EXOC4: variants seen among roughly 807,000 people sequenced by gnomAD.
The protein encoded by EXOC4 is SEC8-like 1.
EXOC4 carries 71 observed loss-of-function variants against 107.2 expected under a neutral mutation model. The ratio of observed to expected loss-of-function variants is 0.66; its 90% CI spans 0.55 to 0.81. The LOEUF (loss-of-function observed/expected upper bound fraction) is 0.81, where lower values mean the gene tolerates loss of function less well. Ranked by LOEUF, EXOC4 falls within the 30% of genes least tolerant of loss-of-function variation. EXOC4 has a pLI of 0.00. For synonymous variants in EXOC4, 456 were observed against 441.2 expected (o/e 1.03, Z -0.42); for missense variants, 1,108 against 1,189.6 (o/e 0.93, Z 1.01).
intron 13 of EXOC4, among the ~76,000 whole-genome samples, chr7:133,928,326 A>G (rs894519485): frequency 6.6e-6 from 1 of 152,104 alleles, no homozygotes; most frequent in Non-Finnish European, 1.5e-5. Flanking sequence ...TGTTCCTGAG[A>G]CAAGGGCAAG....
At chr7:133,720,136 G>A (rs1318503005) in intron 10 of EXOC4, among the ~76,000 whole-genome samples, 1 of 152,124 alleles carries the variant, frequency 6.6e-6, no homozygotes, top group African/African-American at 2.4e-5. Flanking sequence ...GTGGGTAAGT[G>A]AATCTACCCC....
chr7:133,591,988 A>G (rs1801560437), intron 9 of EXOC4, among the ~76,000 whole-genome samples: 1 of 152,108 alleles, frequency 6.6e-6, no homozygotes, highest in African/African-American at 2.4e-5. Context: ...TCCTGGGATT[A>G]TTCTTTGGCT....
chr7:133,974,643 G>A (rs1320576408), intron 14 of EXOC4, among the ~76,000 whole-genome samples: 5 of 152,162 alleles, frequency 3.3e-5, no homozygotes, highest in Non-Finnish European at 5.9e-5. Context: ...TCCCATTCGG[G>A]AGATAGAGTG....
intron 10 of EXOC4, among the ~76,000 whole-genome samples, chr7:133,774,683 A>G (rs1796309944): frequency 6.6e-6 from 1 of 152,128 alleles, no homozygotes; most frequent in Non-Finnish European, 1.5e-5. Flanking sequence ...ATATTATAGT[A>G]TATGGTCCTT....
chr7:133,490,221 T>C (rs1470885562), intron 9 of EXOC4, among the ~76,000 whole-genome samples: 2 of 152,176 alleles, frequency 1.3e-5, no homozygotes. Flanking sequence ...CCCGGACTTC[T>C]GCATGAGAGA....
intron 10 of EXOC4, among the ~76,000 whole-genome samples, chr7:133,639,792 G>A (rs1228471343): frequency 6.6e-6 from 1 of 151,864 alleles, no homozygotes; most frequent in African/African-American, 2.4e-5. Flanking sequence ...TAGTAATTTT[G>A]ACAATTGCTA....
At chr7:133,798,036 G>A (rs1796852803) in intron 10 of EXOC4, among the ~76,000 whole-genome samples, 1 of 152,154 alleles carries the variant, frequency 6.6e-6, no homozygotes, top group Non-Finnish European at 1.5e-5. Context: ...AAGTCAGCAA[G>A]TGAGTTGTGT....
chr7:133,501,407 T>C (rs947010951), intron 9 of EXOC4, among the ~76,000 whole-genome samples: 1 of 152,186 alleles, frequency 6.6e-6, no homozygotes, highest in African/African-American at 2.4e-5. Context: ...CTTGTTCCAT[T>C]TGAATTAATC....
intron 7 of EXOC4, among the ~76,000 whole-genome samples, chr7:133,425,452 A>G (rs538100403): frequency 6.6e-6 from 1 of 151,756 alleles, no homozygotes; most frequent in Non-Finnish European, 1.5e-5. Context: ...ACGTCTGGCT[A>G]ATTTTTTGTG....
chr7:133,986,823 T>G (rs1794126772), intron 14 of EXOC4, among the ~76,000 whole-genome samples: 1 of 152,126 alleles, frequency 6.6e-6, no homozygotes, highest in African/African-American at 2.4e-5. Context: ...TAGCTGGCAT[T>G]AAAGCTCCAG....
intron 5 of EXOC4, among the ~76,000 whole-genome samples, chr7:133,331,648 G>GTAGAGACGGGGTT (rs2150605989): frequency 6.6e-6 from 1 of 151,952 alleles, no homozygotes; most frequent in Non-Finnish European, 1.5e-5. Context: ...TGTATTTTTA[G>GTAGAGACGGGGTT]TAGAGACGGG....
intron 17 of EXOC4, among the ~76,000 whole-genome samples, chr7:134,053,564 A>T (rs908378400): frequency 6.7e-6 from 1 of 149,688 alleles, no homozygotes; most frequent in South Asian, 2.1e-4. Flanking sequence ...CTGATTTTAT[A>T]TATATATATT....
At chr7:133,594,408 G>A (rs1161490351) in intron 9 of EXOC4, among the ~76,000 whole-genome samples, 2 of 150,210 alleles carry the variant, frequency 1.3e-5, no homozygotes, top group Non-Finnish European at 3.0e-5. Context: ...TATAGGCCCT[G>A]AATAAAACAC....
chr7:133,452,136 C>T (rs1478955433), intron 7 of EXOC4, among the ~76,000 whole-genome samples: 1 of 151,926 alleles, frequency 6.6e-6, no homozygotes, highest in Non-Finnish European at 1.5e-5. Flanking sequence ...GCTAAGAGTC[C>T]AACTTTTTTC....
Position 134,042,766 on chromosome 7 carries a change from G to A in EXOC4, c.2688-21525G>A, listed in dbSNP as rs146948839. ...CAGTAATGCTGCCCTGGCCAGGCAC[G>A]GTGGCTCATGCCTATAATCCCAGCA... On this transcript the variant is annotated intron_variant, in intron 17 of 17. Transcript: ENST00000253861. Among the ~76,000 whole-genome samples, 1,101 of 152,318 alleles carry A rather than the reference G, an allele frequency of 7.2e-3. 16 individuals are homozygous for A. Among genetic ancestry groups the A allele is most frequent in the African/African-American group, 0.025 (1,048 of 41,574 alleles).
At chr7:133,313,658 G>C (rs1189364655) in intron 4 of EXOC4, among the ~76,000 whole-genome samples, 1 of 152,188 alleles carries the variant, frequency 6.6e-6, no homozygotes, top group Non-Finnish European at 1.5e-5. Flanking sequence ...TAAGCTGTCA[G>C]CACTTCTAAC....
At chr7:133,725,134 A>T (rs769303191) in intron 10 of EXOC4, among the ~76,000 whole-genome samples, 8 of 152,214 alleles carry the variant, frequency 5.3e-5, no homozygotes, top group Non-Finnish European at 1.0e-4. Context: ...AATGTTGCCA[A>T]TGCACCTGAG....
At chr7:133,358,623 C>T (rs2150662425) in intron 6 of EXOC4, among the ~76,000 whole-genome samples, 1 of 152,204 alleles carries the variant, frequency 6.6e-6, no homozygotes, top group South Asian at 2.1e-4. Context: ...TTGCTCTTTG[C>T]CTGTTGCTGC....
At chr7:133,664,299 C>T (rs1793762131) in intron 10 of EXOC4, among the ~76,000 whole-genome samples, 1 of 152,136 alleles carries the variant, frequency 6.6e-6, no homozygotes, top group Non-Finnish European at 1.5e-5. Context: ...GTTTTGTTCA[C>T]TGTAGTTTTC....
Sources: gnomAD v4.1 joint callset for allele counts (sites outside exome capture counted in the v4.1 genomes callset) on GRCh38, gnomAD v4.1.1 for gene constraint, MANE v1.5 for transcripts, NCBI Gene and HGNC (gene_info 2026-07-23, HGNC 2026-07-21) for gene names.